The following SAMHD1 variants were observed in gnomAD, a reference collection of about 807,000 sequenced individuals.
SAMHD1 encodes deoxynucleoside triphosphate triphosphohydrolase SAMHD1.
A neutral mutation model predicts 79.6 loss-of-function variants in SAMHD1; 54 were observed. That is an observed-to-expected ratio of 0.68 (90% CI 0.55 to 0.85). The LOEUF is 0.85. Ranked by LOEUF, SAMHD1 falls within the 40% of genes least tolerant of loss-of-function variation. SAMHD1 has a pLI of 0.00. For missense variants in SAMHD1, 663 were observed against 782.7 expected (o/e 0.85, Z 1.82); for synonymous variants, 260 against 264.1 (o/e 0.98, Z 0.15).
intron 1 of SAMHD1, chr20:36,947,142 C>G (rs1600394776): frequency 7.3e-6 from 2 of 273,878 alleles, no homozygotes; most frequent in East Asian, 1.0e-4. Flanking sequence ...GGGAAGGAAA[C>G]CTAAGTCTAT....
intron 5 of SAMHD1, 79 bp downstream of exon 5, chr20:36,930,681 G>T (rs909009037): frequency 7.5e-6 from 7 of 933,460 alleles, no homozygotes; most frequent in South Asian, 2.6e-5. Flanking sequence ...TCTCTTGGTT[G>T]ATCTGATTTT....
rs781223072 is a variant in SAMHD1 at position 36,930,823 on chromosome 20, C to G, written c.562G>C (p.Glu188Gln). ...LVHALGEKQP[E>Q]LQISERDVLC... ...ACATCTCGTTCACTTATCTGCAGCT[C>G]TGGTTGTTTTTCACCCAGTGCGTGA... Residue 188 changes from glutamate (E) to glutamine (Q), a missense_variant, in exon 5 of 16, where the codon GAG (glutamate) becomes CAG (glutamine). Physicochemically the swap from Glu to Gln is conservative, Grantham distance 29. Coordinates refer to ENST00000646673, the MANE Select transcript of SAMHD1 (RefSeq NM_015474.4). 1.2e-6 allele frequency: 2 copies of G among 1,613,988 alleles called. No individual in the cohort carries two copies. Among genetic ancestry groups the G allele is most frequent in the African/African-American group, 2.7e-5 (2 of 74,936 alleles).
At chr20:36,950,338 A>G (rs1026881166) in intron 1 of SAMHD1, among the ~76,000 whole-genome samples, 3 of 152,086 alleles carry the variant, frequency 2.0e-5, no homozygotes, top group Non-Finnish European at 4.4e-5. Flanking sequence ...AAGAAAAAAA[A>G]AAAAGGAGAA....
At chr20:36,911,187 T>G in intron 11 of SAMHD1, 31 bp downstream of exon 11, 1 of 1,306,882 alleles carries the variant, frequency 7.7e-7, no homozygotes, top group Non-Finnish European at 1.1e-6. Context: ...TTATCTGAGA[T>G]GGACCATCTA....
At chr20:36,894,886 T>G (rs1432876873) in intron 15 of SAMHD1, among the ~76,000 whole-genome samples, 1 of 152,024 alleles carries the variant, frequency 6.6e-6, no homozygotes, top group African/African-American at 2.4e-5. Flanking sequence ...TTTCTTTCTT[T>G]TTTTGAGACA....
intron 13 of SAMHD1, among the ~76,000 whole-genome samples, chr20:36,899,851 T>C (rs1410722215): frequency 6.6e-6 from 1 of 152,072 alleles, no homozygotes; most frequent in Non-Finnish European, 1.5e-5. Flanking sequence ...ATCCCAGCAC[T>C]TTGGGAGGCC....
intron 3 of SAMHD1, chr20:36,940,117 G>C (rs2063632537): frequency 1.3e-5 from 2 of 149,930 alleles, no homozygotes; most frequent in South Asian, 2.1e-4. Context: ...TGAGGCAGGA[G>C]AATCACTTGA....
intron 3 of SAMHD1, among the ~76,000 whole-genome samples, chr20:36,937,486 A>T (rs941166776): frequency 2.0e-5 from 3 of 152,212 alleles, no homozygotes; most frequent in Non-Finnish European, 4.4e-5. Flanking sequence ...TCCCATAAGG[A>T]TTTACATCCA....
intron 2 of SAMHD1, 88 bp from the exon 3 acceptor site, chr20:36,941,199 T>C (rs2063642247): frequency 1.2e-6 from 1 of 856,152 alleles, no homozygotes; most frequent in Non-Finnish European, 2.0e-6. Context: ...AACTTTATAT[T>C]ATCTACACTA....
intron 6 of SAMHD1, among the ~76,000 whole-genome samples, chr20:36,923,301 G>A: frequency 6.6e-6 from 1 of 152,066 alleles, no homozygotes; most frequent in African/African-American, 2.4e-5. Flanking sequence ...GCCTGGCCAA[G>A]AGAGAGTATT....
In SAMHD1 at chr20:36,894,433, ATG is replaced by A. The variant is rs879650555; in HGVS notation, c.1747-1369_1747-1368del. 3.5e-3 allele frequency among the ~76,000 whole-genome samples: 536 copies of A among 151,148 alleles called. 2 individuals carry two copies. Among genetic ancestry groups the A allele is most frequent in the Non-Finnish European group, 6.2e-3 (417 of 67,320 alleles). ...TTTTTAGTAGAGATGGGGTTTCACT[ATG>A]TTGGCCAGGATGGTCTCGAACTCCT... On this transcript the variant is annotated intron_variant, in intron 15 of 15. Coordinates refer to ENST00000646673, the MANE Select transcript of SAMHD1 (RefSeq NM_015474.4).
chr20:36,951,338 C>T (rs2063733031), intron 1 of SAMHD1, 98 bp downstream of exon 1: 2 of 1,553,928 alleles, frequency 1.3e-6, no homozygotes, highest in South Asian at 2.2e-5. Flanking sequence ...GGGCTCGCTC[C>T]TCGGCCTCGG....
intron 13 of SAMHD1, among the ~76,000 whole-genome samples, chr20:36,903,090 TGA>T (rs1296587267): frequency 6.6e-6 from 1 of 151,988 alleles, no homozygotes; most frequent in Non-Finnish European, 1.5e-5. Context: ...TCGAAGAAAG[TGA>T]GGACACAATA....
intron 1 of SAMHD1, 22 bp downstream of exon 1, chr20:36,951,414 T>C: frequency 6.2e-7 from 1 of 1,612,394 alleles, no homozygotes; most frequent in African/African-American, 1.3e-5. Context: ...CCTTCGCCCC[T>C]CAGCCCCTCC....
intron 1 of SAMHD1, among the ~76,000 whole-genome samples, chr20:36,948,334 C>T (rs558970337): frequency 2.6e-4 from 40 of 152,106 alleles, no homozygotes; most frequent in African/African-American, 9.6e-4. Context: ...CTCACTGCAA[C>T]CTCCGCCTCC....
rs1390135763 is a variant in SAMHD1 at position 36,892,312 on chromosome 20, A to G, written c.*620T>C. 1.9e-5 allele frequency: 3 copies of G among 159,076 alleles called. No homozygotes were observed. The highest frequency in any genetic ancestry group is 2.8e-5 in the Non-Finnish European group (2 of 72,704). 9.9% of individuals were successfully genotyped at this position (159,076 alleles called of 1,614,324 possible). On this transcript the variant is annotated 3_prime_UTR_variant, in exon 16 of 16. Transcript: ENST00000646673. ...AGAAGGGTGAGGGGAGGTGTCTTTC[A>G]CTTATGCTTAGGTCACTCTTAGAGG...
At chr20:36,913,069 T>C (rs1222224079) in intron 9 of SAMHD1, among the ~76,000 whole-genome samples, 3 of 146,956 alleles carry the variant, frequency 2.0e-5, no homozygotes, top group African/African-American at 5.0e-5. Flanking sequence ...CCATCTCGGC[T>C]CACTGCAAGC....
intron 2 of SAMHD1, among the ~76,000 whole-genome samples, chr20:36,942,337 G>A (rs6124472): frequency 0.22 from 33,538 of 151,814 alleles, 4,400 homozygotes; most frequent in East Asian, 0.45. Flanking sequence ...AGAATTGCTT[G>A]AACCCGGGAG....
chr20:36,948,842 G>A (rs1233491829), intron 1 of SAMHD1, among the ~76,000 whole-genome samples: 1 of 146,804 alleles, frequency 6.8e-6, no homozygotes, highest in Non-Finnish European at 1.5e-5. Flanking sequence ...ATTTCAGCCT[G>A]GCGACAGAGC....
Sources: gnomAD v4.1 joint callset for allele counts (sites outside exome capture counted in the v4.1 genomes callset) on GRCh38, gnomAD v4.1.1 for gene constraint, MANE v1.5 for transcripts, NCBI Gene and HGNC (gene_info 2026-07-23, HGNC 2026-07-21) for gene names.